NUDCD1: variants seen among roughly 807,000 people sequenced by gnomAD.
The protein encoded by NUDCD1 is NudC domain containing 1, also known as nudC domain-containing protein 1.
A neutral mutation model predicts 67.8 loss-of-function variants in NUDCD1; 60 were observed. The observed-to-expected ratio is 0.88, with a 90% CI of 0.72 to 1.10. The LOEUF (loss-of-function observed/expected upper bound fraction) is 1.10. NUDCD1 is among the 50% of genes least tolerant of loss of function. NUDCD1 has a pLI of 0.00. For synonymous variants in NUDCD1, 244 were observed against 230.8 expected (o/e 1.06, Z -0.52); for missense variants, 643 against 695.0 (o/e 0.93, Z 0.84).
chr8:109,320,552 C>T (rs571687708), intron 2 of NUDCD1, among the ~76,000 whole-genome samples: 2 of 152,272 alleles, frequency 1.3e-5, no homozygotes, highest in East Asian at 3.9e-4. Flanking sequence ...AACACACATG[C>T]TGTACAATTT....
At chr8:109,269,160 A>C (rs1428559123) in intron 8 of NUDCD1, among the ~76,000 whole-genome samples, 1 of 152,218 alleles carries the variant, frequency 6.6e-6, no homozygotes, top group Non-Finnish European at 1.5e-5. Context: ...TATGAATCAG[A>C]ACATTTGGTA....
intron 8 of NUDCD1, among the ~76,000 whole-genome samples, chr8:109,261,080 T>C (rs1030135031): frequency 6.6e-6 from 1 of 152,206 alleles, no homozygotes; most frequent in Non-Finnish European, 1.5e-5. Flanking sequence ...TAGGGGGGTA[T>C]TTTAAATGAT....
At chr8:109,299,881 T>G (rs1814940919) in intron 2 of NUDCD1, among the ~76,000 whole-genome samples, 1 of 152,142 alleles carries the variant, frequency 6.6e-6, no homozygotes, top group South Asian at 2.1e-4. Context: ...CAAGGACAGG[T>G]GCTGGTATCC....
chr8:109,333,353 T>C (rs2130167477), intron 1 of NUDCD1, among the ~76,000 whole-genome samples: 1 of 152,274 alleles, frequency 6.6e-6, no homozygotes, highest in Non-Finnish European at 1.5e-5. Context: ...TAAATCCACT[T>C]TTCCTCACTA....
intron 8 of NUDCD1, among the ~76,000 whole-genome samples, chr8:109,268,901 C>T (rs1051230130): frequency 6.6e-6 from 1 of 152,080 alleles, no homozygotes; most frequent in African/African-American, 2.4e-5. Flanking sequence ...AACTAAACAA[C>T]ATCTAGGAAG....
chr8:109,301,141 T>C (rs1586291526), intron 2 of NUDCD1, among the ~76,000 whole-genome samples: 3 of 152,180 alleles, frequency 2.0e-5, no homozygotes, highest in African/African-American at 7.2e-5. Context: ...TGCATCCAGA[T>C]GGCCTGAAAC....
Position 109,296,474 on chromosome 8 carries a change from A to C in NUDCD1, c.369T>G (p.Ser123=), listed in dbSNP as rs370861595. 1 of 1,613,432 alleles carries C rather than the reference A, an allele frequency of 6.2e-7. No homozygotes were observed. Among genetic ancestry groups the C allele is most frequent in the Non-Finnish European group, 8.5e-7 (1 of 1,179,518 alleles). The change falls in exon 3 of 10, where the codon TCT becomes TCG. Residue 123 remains serine (S), a synonymous_variant. Coordinates refer to ENST00000239690, the MANE Select transcript of NUDCD1 (RefSeq NM_032869.4). The stretch of plus-strand genomic sequence containing the variant: ...CATCTGACAAGGTAACCCAGGTAGA[A>C]GATGAGAAATGGATAGATGCACAAA... The part of the protein sequence containing the change: ...NRLCASIHFS[S]STWVTLSDGT...
intron 1 of NUDCD1, among the ~76,000 whole-genome samples, chr8:109,324,319 T>C (rs538460291): frequency 2.0e-5 from 3 of 151,914 alleles, no homozygotes; most frequent in South Asian, 2.1e-4. Flanking sequence ...TCACTAATTA[T>C]TGAGGAAATG....
chr8:109,272,982 T>C (rs187272940), intron 7 of NUDCD1, among the ~76,000 whole-genome samples: 79 of 152,246 alleles, frequency 5.2e-4, no homozygotes, highest in South Asian at 4.6e-3. Flanking sequence ...CTTCCAATTA[T>C]TCATACTTTA....
Position 109,311,559 on chromosome 8 carries a change from G to GTATATATATATATATATATATATATATA in NUDCD1, c.273+10749_273+10750insTATATATATATATATATATATATATATA, listed in dbSNP as rs1554617136. Among the ~76,000 whole-genome samples, 38 of 125,150 alleles carry GTATATATATATATATATATATATATATA rather than the reference G, an allele frequency of 3.0e-4. 2 individuals are homozygous for GTATATATATATATATATATATATATATA. The highest frequency in any genetic ancestry group is 9.4e-4 in the African/African-American group (27 of 28,746). The allele number at this position is 125,150 out of a possible 152,430, so 82.1% of individuals were successfully genotyped here. Reference sequence around the variant, plus strand: ...AATGAGTGGATAAAGAAACTGTGGTGTATATATATATATGATGGGATACTG... The same window carrying GTATATATATATATATATATATATATATA: ...AATGAGTGGATAAAGAAACTGTGGTGTATATATATATATATATATATATATATATATATATATATATGATGGGATACTG... On this transcript the variant is annotated intron_variant, in intron 2 of 9. Transcript: ENST00000239690.
In NUDCD1 at chr8:109,287,950, T is replaced by C. The variant is rs994883845; in HGVS notation, c.823+1801A>G. Among the ~76,000 whole-genome samples, 3 of 152,284 alleles carry C rather than the reference T, an allele frequency of 2.0e-5. No homozygotes were observed. In the East Asian group the frequency reaches 5.8e-4, roughly 29 times the overall value. ...TGCTTTGAGTACCTTTCTATGCCTT[T>C]AGAGATTGTGTTTTAGGTCTTTAAA... On this transcript the variant is annotated intron_variant, in intron 5 of 9. Coordinates refer to ENST00000239690, the MANE Select transcript of NUDCD1 (RefSeq NM_032869.4).
At chr8:109,264,809 T>C (rs749361766) in intron 8 of NUDCD1, among the ~76,000 whole-genome samples, 60 of 151,596 alleles carry the variant, frequency 4.0e-4, no homozygotes, top group Non-Finnish European at 6.8e-4. Context: ...ATGCAGACAT[T>C]AGAGAGATCT....
At chr8:109,321,432 G>C (rs1306078638) in intron 2 of NUDCD1, among the ~76,000 whole-genome samples, 1 of 152,126 alleles carries the variant, frequency 6.6e-6, no homozygotes, top group Admixed American at 6.5e-5. Flanking sequence ...TATAACCTCT[G>C]TATCAACCAT....
In NUDCD1 at chr8:109,333,743, T is replaced by G. The variant is rs1563689794; in HGVS notation, c.118+150A>C. ...CACCGGGTTCTGGGATGGGCATCAT[T>G]CCCCAGAAGCAGCGGCCTCCGTGAG... is the stretch of plus-strand genomic sequence containing the variant. On this transcript the variant is annotated intron_variant, in intron 1 of 9. Transcript: ENST00000239690. 10 of 824,170 alleles carry G rather than the reference T, an allele frequency of 1.2e-5. No individual in the cohort carries two copies. The African/African-American group carries it at 1.5e-4, about 13-fold the overall frequency. The allele number at this position is 824,170 out of a possible 1,614,324, so 51.1% of individuals were successfully genotyped here. A position where few individuals can be genotyped will look rare whatever the true frequency, so the allele number is the denominator to read the frequency against.
intron 2 of NUDCD1, among the ~76,000 whole-genome samples, chr8:109,310,810 CT>C (rs59611956): frequency 0.27 from 20,116 of 75,092 alleles, 966 homozygotes; most frequent in South Asian, 0.36. Flanking sequence ...ATAGACAATT[CT>C]TTTTTTTTTT....
chr8:109,255,954 T>C (rs754614793), intron 8 of NUDCD1, among the ~76,000 whole-genome samples: 3 of 152,190 alleles, frequency 2.0e-5, no homozygotes, highest in Non-Finnish European at 2.9e-5. Flanking sequence ...TCACACCTGT[T>C]ATCCCAGCAA....
chr8:109,323,444 T>C (rs1280325754), intron 1 of NUDCD1, among the ~76,000 whole-genome samples: 1 of 152,076 alleles, frequency 6.6e-6, no homozygotes, highest in African/African-American at 2.4e-5. Flanking sequence ...TCTTGCCAAT[T>C]AGCACTTATG....
intron 2 of NUDCD1, among the ~76,000 whole-genome samples, chr8:109,314,669 T>C (rs1433232452): frequency 6.6e-6 from 1 of 152,146 alleles, no homozygotes; most frequent in Non-Finnish European, 1.5e-5. Flanking sequence ...GTAACTACTA[T>C]ATTCAGTTTT....
intron 3 of NUDCD1, among the ~76,000 whole-genome samples, chr8:109,294,012 T>C (rs1027149674): frequency 6.6e-6 from 1 of 152,006 alleles, no homozygotes; most frequent in Non-Finnish European, 1.5e-5. Context: ...AAAAGCATCA[T>C]ATAAAAACAC....
Sources: gnomAD v4.1 joint callset for allele counts (sites outside exome capture counted in the v4.1 genomes callset) on GRCh38, gnomAD v4.1.1 for gene constraint, MANE v1.5 for transcripts, NCBI Gene and HGNC (gene_info 2026-07-23, HGNC 2026-07-21) for gene names.